Variants in DNAI3 observed in about 807,000 individuals in gnomAD.
DNAI3 encodes the protein WD repeat domain 63.
DNAI3 carries 83 observed loss-of-function variants against 115.5 expected under a neutral mutation model. The observed-to-expected ratio is 0.72, with a 90% CI of 0.60 to 0.86. The LOEUF (loss-of-function observed/expected upper bound fraction) is 0.86. Among genes scored for constraint, DNAI3 ranks in the 40% least tolerant of loss-of-function variants. The pLI, the probability that DNAI3 is intolerant of heterozygous loss-of-function variation, is 0.00. For missense variants in DNAI3, 1,004 were observed against 1,075.8 expected (o/e 0.93, Z 0.93); for synonymous variants, 320 against 347.0 (o/e 0.92, Z 0.86).
chr1:85,084,914 C>A (rs537476495), intron 6 of DNAI3, among the ~76,000 whole-genome samples: 3 of 152,312 alleles, frequency 2.0e-5, no homozygotes, highest in East Asian at 3.9e-4. Context: ...TAACCTCCAG[C>A]ACCTCAGAAT....
At chr1:85,108,974 C>T (rs1215820385) in intron 15 of DNAI3, among the ~76,000 whole-genome samples, 3 of 152,210 alleles carry the variant, frequency 2.0e-5, no homozygotes, top group African/African-American at 7.2e-5. Flanking sequence ...TTCCTCCCTA[C>T]TGTAGCCAAA....
At chr1:85,077,484 AT>A (rs1264906212) in intron 3 of DNAI3, among the ~76,000 whole-genome samples, 1 of 152,158 alleles carries the variant, frequency 6.6e-6, no homozygotes, top group African/African-American at 2.4e-5. Context: ...AATCTTAAAG[AT>A]TTTTTTCTTT....
intron 8 of DNAI3, among the ~76,000 whole-genome samples, chr1:85,090,782 C>T (rs1275156199): frequency 6.6e-6 from 1 of 152,066 alleles, no homozygotes; most frequent in African/African-American, 2.4e-5. Context: ...GGGTAGAGTT[C>T]TGGGGCTTCT....
intron 1 of DNAI3, among the ~76,000 whole-genome samples, chr1:85,064,857 A>G (rs1654046801): frequency 6.6e-6 from 1 of 152,116 alleles, no homozygotes; most frequent in Admixed American, 6.5e-5. Context: ...ACATGGCAAA[A>G]CCCCATCTCT....
At chr1:85,119,145 T>C (rs1655916205) in intron 17 of DNAI3, among the ~76,000 whole-genome samples, 1 of 152,226 alleles carries the variant, frequency 6.6e-6, no homozygotes, top group Non-Finnish European at 1.5e-5. Flanking sequence ...AAAATATATG[T>C]AACATAAAAT....
intron 8 of DNAI3, 117 bp from the exon 9 acceptor site, chr1:85,093,340 AT>A: frequency 1.1e-6 from 1 of 940,422 alleles, no homozygotes; most frequent in Non-Finnish European, 1.6e-6. Context: ...ACCAAATATA[AT>A]TGAGAATTAT....
intron 19 of DNAI3, among the ~76,000 whole-genome samples, 181 bp from the exon 20 acceptor site, chr1:85,126,330 A>G (rs2290780): frequency 0.63 from 95,236 of 152,010 alleles, 30,978 homozygotes; most frequent in South Asian, 0.83. Context: ...TGAAAACAAG[A>G]AAGAAAAGCT....
intron 13 of DNAI3, among the ~76,000 whole-genome samples, chr1:85,103,255 G>A (rs1280861180): frequency 6.6e-6 from 1 of 152,146 alleles, no homozygotes; most frequent in Non-Finnish European, 1.5e-5. Context: ...TTCACAGGTT[G>A]CCTCAAAGCC....
At position 85,130,132 on chromosome 1, in the gene DNAI3, T is replaced by G. The variant is rs1268860496; in HGVS notation, c.2532+20T>G. Reference sequence around the variant, plus strand: ...AAAGTTGTAAGTTAAATTTCAGAAATGAAAGATGTTTTCCTCGAACACCAG... The same window carrying G: ...AAAGTTGTAAGTTAAATTTCAGAAAGGAAAGATGTTTTCCTCGAACACCAG... On this transcript the variant is annotated intron_variant, in intron 22 of 22. Transcript: ENST00000294664. 1 of 1,612,460 alleles carries G rather than the reference T, an allele frequency of 6.2e-7. No homozygotes were observed. The highest frequency in any genetic ancestry group is 8.5e-7 in the Non-Finnish European group (1 of 1,179,432).
chr1:85,094,594 A>G, intron 10 of DNAI3, 39 bp downstream of exon 10: 1 of 1,606,698 alleles, frequency 6.2e-7, no homozygotes, highest in South Asian at 1.1e-5. Context: ...TAAATTTTCA[A>G]ATACTACTTT....
chr1:85,072,798 A>G (rs191936077), intron 2 of DNAI3, among the ~76,000 whole-genome samples: 1 of 151,560 alleles, frequency 6.6e-6, no homozygotes, highest in Non-Finnish European at 1.5e-5. Context: ...TACTAAAAAT[A>G]CAAAAAATTA....
At chr1:85,089,396 G>T (rs1388516516) in intron 7 of DNAI3, among the ~76,000 whole-genome samples, 2 of 149,818 alleles carry the variant, frequency 1.3e-5, no homozygotes, top group African/African-American at 2.5e-5. Flanking sequence ...GGCTCACCCA[G>T]TCTAATACTT....
At chr1:85,075,017 C>G (rs1236629139) in intron 3 of DNAI3, among the ~76,000 whole-genome samples, 1 of 152,188 alleles carries the variant, frequency 6.6e-6, no homozygotes, top group African/African-American at 2.4e-5. Flanking sequence ...TCCCAGATAG[C>G]ACTTATCACA....
chr1:85,116,165 G>A (rs1655810866), intron 16 of DNAI3, among the ~76,000 whole-genome samples: 1 of 152,038 alleles, frequency 6.6e-6, no homozygotes, highest in African/African-American at 2.4e-5. Context: ...TACCTGCATG[G>A]CTCTAACTTT....
chr1:85,090,064 T>G, intron 7 of DNAI3, 52 bp from the exon 8 acceptor site: 1 of 910,254 alleles, frequency 1.1e-6, no homozygotes, highest in Non-Finnish European at 1.6e-6. Context: ...TGGCCCATAT[T>G]TGCTCTTCTT....
intron 7 of DNAI3, among the ~76,000 whole-genome samples, chr1:85,087,452 A>G (rs992078774): frequency 2.7e-5 from 4 of 150,450 alleles, no homozygotes; most frequent in African/African-American, 9.7e-5. Flanking sequence ...AAAAAAAAAA[A>G]AAAAAAAGAA....
chr1:85,126,512 C>G lies in DNAI3; in HGVS notation c.2114C>G (p.Thr705Ser). The part of the protein sequence containing the change: ...NVAIWKEGVM[T>S]GPLLQSCCAP... ...GTCTTTTTAAAAATTTGTTTAAAGA[C>G]TGGACCGCTCCTTCAGTCATGCTGT... The change falls in exon 20 of 23, where the codon ACT (threonine) becomes AGT (serine). Residue 705 changes from threonine (T) to serine (S), a missense_variant and splice_region_variant. Transcript: ENST00000294664. The G allele has an allele frequency of 1.2e-6, 2 of 1,611,730 alleles. No individual in the cohort carries two copies. The highest frequency in any genetic ancestry group is 1.7e-6 in the Non-Finnish European group (2 of 1,178,794).
chr1:85,126,776 T>C, intron 20 of DNAI3, 61 bp downstream of exon 20: 1 of 1,583,912 alleles, frequency 6.3e-7, no homozygotes, highest in Non-Finnish European at 8.7e-7. Context: ...CATCTTGACA[T>C]TCATCTGAAA....
intron 13 of DNAI3, among the ~76,000 whole-genome samples, chr1:85,100,320 A>G (rs1286945413): frequency 6.6e-6 from 1 of 152,256 alleles, no homozygotes; most frequent in African/African-American, 2.4e-5. Flanking sequence ...AAGGATATGA[A>G]CAGACACTTC....
Sources: allele counts gnomAD v4.1 joint callset (sites outside exome capture counted in the v4.1 genomes callset), GRCh38; gene constraint gnomAD v4.1.1; transcripts MANE v1.5; gene names NCBI Gene and HGNC (gene_info 2026-07-23, HGNC 2026-07-21).